GTF2B: variants seen among roughly 807,000 people sequenced by gnomAD.
The protein encoded by GTF2B is general transcription factor IIB.
Under a neutral mutation model 34.6 loss-of-function variants are expected in GTF2B, and 20 were observed. The ratio of observed to expected loss-of-function variants is 0.58; its 90% CI spans 0.41 to 0.84. GTF2B has a LOEUF of 0.84. GTF2B is among the 40% of genes least tolerant of loss of function. GTF2B has a pLI of 0.00. For synonymous variants in GTF2B, 142 were observed against 132.4 expected (o/e 1.07, Z -0.50); for missense variants, 237 against 393.3 (o/e 0.60, Z 3.36).
In GTF2B at chr1:88,891,218, G is replaced by A. The variant is rs140514151; in HGVS notation, c.17+265C>T. On this transcript the variant is annotated intron_variant, in intron 1 of 6. Transcript: ENST00000370500. ...GGAAAAGATACGAGGGCAAGGACTGGGGACACAGTAGCCCACCAGGACCCA... is the reference window on the plus strand; with the variant it reads ...GGAAAAGATACGAGGGCAAGGACTGAGGACACAGTAGCCCACCAGGACCCA... 3.2e-3 allele frequency among the ~76,000 whole-genome samples: 488 copies of A among 152,082 alleles called. 5 individuals are homozygous for A. The highest frequency in any genetic ancestry group is 0.011 in the African/African-American group (460 of 41,440).
At chr1:88,889,612 G>A (rs1674153425) in intron 1 of GTF2B, among the ~76,000 whole-genome samples, 1 of 152,226 alleles carries the variant, frequency 6.6e-6, no homozygotes, top group Non-Finnish European at 1.5e-5. Context: ...CTAATAAGTG[G>A]CGGAGCTTAC....
intron 5 of GTF2B, chr1:88,858,820 G>A (rs1466625578): frequency 6.6e-6 from 1 of 150,886 alleles, no homozygotes; most frequent in Non-Finnish European, 1.5e-5. Context: ...TAACTGAAGT[G>A]TAAAAGTGCA....
Position 88,887,344 on chromosome 1 carries a change from G to T in GTF2B, c.41C>A (p.Thr14Lys), listed in dbSNP as rs952306137. The T allele has an allele frequency of 1.2e-6, 2 of 1,609,008 alleles. No homozygotes were observed. Among genetic ancestry groups the T allele is most frequent in the Admixed American group, 3.3e-5 (2 of 60,020 alleles). ...AATCGCATCTGGATGGTTTGGACAT[G>T]TGACTCTTGGAAGAGCATCCAAACT... ...TSRLDALPRV[T>K]CPNHPDAILV... The change falls in exon 2 of 7, where the codon ACA becomes AAA. Residue 14 changes from threonine to lysine, a missense_variant. Coordinates refer to ENST00000370500, the MANE Select transcript of GTF2B (RefSeq NM_001514.6).
At chr1:88,882,335 AAAC>A (rs1457042302) in intron 2 of GTF2B, among the ~76,000 whole-genome samples, 10 of 150,252 alleles carry the variant, frequency 6.7e-5, no homozygotes, top group Non-Finnish European at 1.3e-4. Flanking sequence ...AAAAAAAAAA[AAAC>A]GCTACAGAGG....
intron 2 of GTF2B, among the ~76,000 whole-genome samples, chr1:88,883,578 G>C (rs1020437469): frequency 6.6e-6 from 1 of 151,880 alleles, no homozygotes; most frequent in Non-Finnish European, 1.5e-5. Flanking sequence ...CCAGGGTCCT[G>C]CTTGAGCCCA....
chr1:88,888,953 A>T (rs1674132996), intron 1 of GTF2B, among the ~76,000 whole-genome samples: 2 of 152,226 alleles, frequency 1.3e-5, no homozygotes, highest in Admixed American at 6.5e-5. Flanking sequence ...TGATTTCCTT[A>T]CCTGGGTAGG....
chr1:88,882,393 T>G (rs969646471), intron 2 of GTF2B, among the ~76,000 whole-genome samples: 2 of 151,430 alleles, frequency 1.3e-5, no homozygotes, highest in South Asian at 4.2e-4. Flanking sequence ...CTCATGTATG[T>G]CTGTCTCACT....
chr1:88,889,643 T>G (rs773231099), intron 1 of GTF2B, among the ~76,000 whole-genome samples: 10 of 152,232 alleles, frequency 6.6e-5, no homozygotes, highest in Admixed American at 2.0e-4. Context: ...AGAACATTTG[T>G]ACTCCTCTGT....
chr1:88,891,443 CCCGCCCCTCAGCTCG>C, intron 1 of GTF2B, 25 bp downstream of exon 1: 3 of 1,571,360 alleles, frequency 1.9e-6, no homozygotes, highest in Non-Finnish European at 2.6e-6. Context: ...GGCGCTCGCG[CCCGCCCCTCAGCTCG>C]CCGGGCTCGG....
intron 1 of GTF2B, among the ~76,000 whole-genome samples, chr1:88,890,955 G>A (rs538480830): frequency 1.4e-4 from 21 of 152,112 alleles, no homozygotes; most frequent in African/African-American, 4.8e-4. Context: ...TCCGAGGCCC[G>A]CTGTGATGGT....
At chr1:88,870,748 G>A (rs1177742735) in intron 2 of GTF2B, among the ~76,000 whole-genome samples, 1 of 152,004 alleles carries the variant, frequency 6.6e-6, no homozygotes, top group Non-Finnish European at 1.5e-5. Flanking sequence ...CAGTGCTCTT[G>A]ATTTTAAACT....
intron 1 of GTF2B, among the ~76,000 whole-genome samples, chr1:88,888,732 G>A (rs1290747361): frequency 6.6e-6 from 1 of 152,176 alleles, no homozygotes; most frequent in African/African-American, 2.4e-5. Flanking sequence ...ATACAAAGCT[G>A]AAAAGTATGA....
intron 2 of GTF2B, among the ~76,000 whole-genome samples, chr1:88,868,398 A>G (rs1488139024): frequency 2.0e-5 from 3 of 152,156 alleles, no homozygotes; most frequent in Admixed American, 6.5e-5. Context: ...ACACTACTAT[A>G]ATATATATGC....
chr1:88,863,193 A>G (rs915080456), intron 3 of GTF2B, among the ~76,000 whole-genome samples: 3 of 152,208 alleles, frequency 2.0e-5, no homozygotes, highest in Non-Finnish European at 4.4e-5. Context: ...ATACATTCTC[A>G]TGAAACCCTC....
Position 88,853,349 on chromosome 1 carries a change from A to T in GTF2B, c.818-3T>A. The T allele has an allele frequency of 6.2e-7, 1 of 1,611,678 alleles. No individual in the cohort carries two copies. On this transcript the variant is annotated splice_region_variant and splice_polypyrimidine_tract_variant and intron_variant, in intron 6 of 6. Coordinates refer to ENST00000370500, the MANE Select transcript of GTF2B (RefSeq NM_001514.6). ...AACACCAGCAATATCTCCAATTTCT[A>T]AAAGACAAAAATCGAAACATTAACC...
In GTF2B at chr1:88,863,981, C is replaced by T; in HGVS notation, c.258G>A (p.Lys86=). Residue 86 remains lysine (K), a splice_region_variant and synonymous_variant, in exon 3 of 7, where the codon AAG becomes AAA. Coordinates refer to ENST00000370500, the MANE Select transcript of GTF2B (RefSeq NM_001514.6). ...ATTTCCTGCCAAATGGACTTATTAC[C>T]TTGCCAATCATGGTAGACAAATCTC... ...SDGDLSTMIG[K]GTGAASFDEF... The T allele has an allele frequency of 3.1e-6, 5 of 1,613,720 alleles. No homozygotes were observed. The highest frequency in any genetic ancestry group is 3.4e-6 in the Non-Finnish European group (4 of 1,179,664).
intron 2 of GTF2B, among the ~76,000 whole-genome samples, chr1:88,870,813 A>C: frequency 6.6e-6 from 1 of 150,964 alleles, no homozygotes; most frequent in Admixed American, 6.6e-5. Flanking sequence ...GCATTATTCT[A>C]CTCTAAGTAT....
chr1:88,883,009 T>C (rs1236221320), intron 2 of GTF2B, among the ~76,000 whole-genome samples: 1 of 152,218 alleles, frequency 6.6e-6, no homozygotes, highest in Non-Finnish European at 1.5e-5. Flanking sequence ...ATATATCTGC[T>C]GCAAATCTAT....
intron 2 of GTF2B, among the ~76,000 whole-genome samples, chr1:88,866,303 A>T (rs1458580044): frequency 6.6e-6 from 1 of 152,206 alleles, no homozygotes; most frequent in Non-Finnish European, 1.5e-5. Context: ...GCAGGGAGCC[A>T]TGATTACACC....
Sources: gnomAD v4.1 joint callset for allele counts (sites outside exome capture counted in the v4.1 genomes callset) on GRCh38, gnomAD v4.1.1 for gene constraint, MANE v1.5 for transcripts, NCBI Gene and HGNC (gene_info 2026-07-23, HGNC 2026-07-21) for gene names.